Variants in PKNOX2 observed in about 807,000 individuals in gnomAD.
PKNOX2 encodes homeobox protein PKNOX2.
A neutral mutation model predicts 53.1 loss-of-function variants in PKNOX2; 14 were observed. The observed-to-expected ratio is 0.26, with a 90% CI of 0.17 to 0.41. The LOEUF (loss-of-function observed/expected upper bound fraction) is 0.41. Among genes scored for constraint, PKNOX2 ranks in the 10% least tolerant of loss-of-function variants. PKNOX2 has a pLI of 1.00. For synonymous variants in PKNOX2, 257 were observed against 242.8 expected (o/e 1.06, Z -0.54); for missense variants, 496 against 602.8 (o/e 0.82, Z 1.85).
Position 125,309,668 on chromosome 11 carries a change from G to A in PKNOX2, c.-129-22151G>A, listed in dbSNP as rs149474983. 7.9e-3 allele frequency among the ~76,000 whole-genome samples: 1,201 copies of A among 152,170 alleles called. 14 individuals are homozygous for A. Among genetic ancestry groups the A allele is most frequent in the African/African-American group, 0.028 (1,144 of 41,510 alleles). ...CTTCCAAAGTGCTGAAATTACAGGC[G>A]TGAGCGACTGTGCCCGGCCTCTAAC... On this transcript the variant is annotated intron_variant, in intron 2 of 12. Coordinates refer to ENST00000298282, the MANE Select transcript of PKNOX2 (RefSeq NM_001382323.2).
intron 1 of PKNOX2, among the ~76,000 whole-genome samples, chr11:125,218,631 A>G (rs1403506338): frequency 6.6e-6 from 1 of 152,088 alleles, no homozygotes; most frequent in East Asian, 1.9e-4. Context: ...GAGCTAGTGC[A>G]TGTATTTAGA....
chr11:125,265,137 AT>A (rs1945215050), intron 2 of PKNOX2, among the ~76,000 whole-genome samples: 1 of 152,082 alleles, frequency 6.6e-6, no homozygotes, highest in Admixed American at 6.5e-5. Context: ...AAATACAAAA[AT>A]TAGCCAGGCG....
intron 10 of PKNOX2, among the ~76,000 whole-genome samples, chr11:125,421,975 T>C (rs767349418): frequency 1.1e-4 from 17 of 152,178 alleles, no homozygotes; most frequent in Non-Finnish European, 2.5e-4. Flanking sequence ...AATCTTGAGA[T>C]GTTGGTTAAC....
intron 2 of PKNOX2, among the ~76,000 whole-genome samples, chr11:125,262,865 C>G (rs956310214): frequency 6.6e-6 from 1 of 152,178 alleles, no homozygotes; most frequent in Admixed American, 6.5e-5. Flanking sequence ...ACGTACCCTC[C>G]TTTTCCTCTC....
intron 2 of PKNOX2, among the ~76,000 whole-genome samples, chr11:125,286,898 C>A (rs978675974): frequency 6.6e-6 from 1 of 152,192 alleles, no homozygotes; most frequent in Non-Finnish European, 1.5e-5. Context: ...GCGCAGGCAG[C>A]GTATGGCCTT....
rs143099519 is a variant in PKNOX2, at chr11:125,360,993, G to T, written c.88-6853G>T. ...CTCTGTCCCATTGTTTCCAGCTCTGGGCTGGACACCCAAATCCCCCCAGTC... is the reference window on the plus strand; with the variant it reads ...CTCTGTCCCATTGTTTCCAGCTCTGTGCTGGACACCCAAATCCCCCCAGTC... On this transcript the variant is annotated intron_variant, in intron 4 of 12. Transcript: ENST00000298282. Among the ~76,000 whole-genome samples, 394 of 152,030 alleles carry T rather than the reference G, an allele frequency of 2.6e-3. 3 individuals are homozygous for T. Among genetic ancestry groups the T allele is most frequent in the African/African-American group, 9.2e-3 (381 of 41,322 alleles).
intron 1 of PKNOX2, among the ~76,000 whole-genome samples, chr11:125,177,782 A>G (rs1262197561): frequency 2.0e-5 from 3 of 152,128 alleles, no homozygotes; most frequent in Non-Finnish European, 2.9e-5. Context: ...CACAGCTAGA[A>G]TGGCTGACTA....
At chr11:125,412,670 ATGCTGTGACC>A (rs1205831512) in intron 10 of PKNOX2, among the ~76,000 whole-genome samples, 1 of 152,096 alleles carries the variant, frequency 6.6e-6, no homozygotes, top group Non-Finnish European at 1.5e-5. Context: ...GGGGAGGTAG[ATGCTGTGACC>A]ACGGGCGGGC....
intron 3 of PKNOX2, among the ~76,000 whole-genome samples, chr11:125,343,144 TCCTGGAATGGGAGAG>T (rs1950791942): frequency 6.6e-6 from 1 of 152,034 alleles, no homozygotes; most frequent in East Asian, 1.9e-4. Context: ...GGGGAGGGGC[TCCTGGAATGGGAGAG>T]GTACCCTAAG....
In PKNOX2 at chr11:125,166,612, T is replaced by A. The variant is rs1311589560; in HGVS notation, c.-201+1836T>A. 6.6e-6 allele frequency among the ~76,000 whole-genome samples: 1 copy of A among 152,040 alleles called. No homozygotes were observed. The highest frequency in any genetic ancestry group is 6.5e-5 in the Admixed American group (1 of 15,288). ...GGCCCGCAGGGGCCGCGGCCTGCGA[T>A]GAAGGCCGGGGGGCAGCGCTAGCAG... is the stretch of plus-strand genomic sequence containing the variant. On this transcript the variant is annotated intron_variant, in intron 1 of 12. Coordinates refer to ENST00000298282, the MANE Select transcript of PKNOX2 (RefSeq NM_001382323.2). The surrounding 1 kb of genome is among the most constrained non-coding windows in gnomAD (Gnocchi z 4.0).
intron 1 of PKNOX2, among the ~76,000 whole-genome samples, chr11:125,194,221 G>A (rs1957047175): frequency 6.6e-6 from 1 of 152,180 alleles, no homozygotes; most frequent in Non-Finnish European, 1.5e-5. Context: ...TTCCAGTAGG[G>A]CCCTCTGGGC....
chr11:125,205,747 C>T (rs1020028981), intron 1 of PKNOX2, among the ~76,000 whole-genome samples: 1 of 152,000 alleles, frequency 6.6e-6, no homozygotes, highest in Non-Finnish European at 1.5e-5. Context: ...TAAATCACTG[C>T]ACATTTATTG....
At chr11:125,246,345 G>C (rs188360562) in intron 2 of PKNOX2, among the ~76,000 whole-genome samples, 1 of 152,168 alleles carries the variant, frequency 6.6e-6, no homozygotes, top group Non-Finnish European at 1.5e-5. Context: ...ACCCACTCCC[G>C]TGATAAAGGT....
At chr11:125,347,495 G>T (rs1365351563) in intron 3 of PKNOX2, among the ~76,000 whole-genome samples, 2 of 152,082 alleles carry the variant, frequency 1.3e-5, no homozygotes, top group East Asian at 3.9e-4. Flanking sequence ...GAGCCTGTTT[G>T]TCAGCACACT....
At chr11:125,210,233 T>G (rs1939664631) in intron 1 of PKNOX2, among the ~76,000 whole-genome samples, 1 of 152,120 alleles carries the variant, frequency 6.6e-6, no homozygotes, top group African/African-American at 2.4e-5. Context: ...CTTAGGAACT[T>G]ATTGGCAGTC....
At chr11:125,286,438 T>TA (rs1946903429) in intron 2 of PKNOX2, among the ~76,000 whole-genome samples, 1 of 152,260 alleles carries the variant, frequency 6.6e-6, no homozygotes, top group African/African-American at 2.4e-5. Context: ...GAATTTGGGG[T>TA]AAAAATGGAT....
At chr11:125,321,486 T>A (rs954986370) in intron 2 of PKNOX2, among the ~76,000 whole-genome samples, 1 of 152,256 alleles carries the variant, frequency 6.6e-6, no homozygotes, top group Non-Finnish European at 1.5e-5. Context: ...CCTACTGTAT[T>A]GTTTAGGGAA....
In PKNOX2 at chr11:125,431,683, C is replaced by T. The variant is rs1038135179; in HGVS notation, c.*291C>T. The T allele has an allele frequency of 1.6e-5, 7 of 443,234 alleles. No individual in the cohort carries two copies. In the South Asian group the frequency reaches 2.0e-4, roughly 13 times the overall value. The allele number at this position is 443,234 out of a possible 1,614,324, so 27.5% of individuals were successfully genotyped here. A position where few individuals can be genotyped will look rare whatever the true frequency, so the allele number is the denominator to read the frequency against. On this transcript the variant is annotated 3_prime_UTR_variant, in exon 13 of 13. Coordinates refer to ENST00000298282, the MANE Select transcript of PKNOX2 (RefSeq NM_001382323.2). ...GAGTGAGATCTGGACTCACCAAATC[C>T]CTGAGGATAGATGGCACCCATGGCC...
intron 1 of PKNOX2, among the ~76,000 whole-genome samples, chr11:125,218,945 C>T (rs1940844175): frequency 6.6e-6 from 1 of 152,130 alleles, no homozygotes; most frequent in Admixed American, 6.6e-5. Context: ...GCTCTGTTTT[C>T]CAACTGGCTT....
Sources: gnomAD v4.1 joint callset for allele counts (sites outside exome capture counted in the v4.1 genomes callset) on GRCh38, gnomAD v4.1.1 for gene constraint, Gnocchi (gnomAD v3.1) non-coding constraint, MANE v1.5 for transcripts, NCBI Gene and HGNC (gene_info 2026-07-23, HGNC 2026-07-21) for gene names.